Variants in ALK observed in about 807,000 individuals in gnomAD.
ALK encodes the protein ALK tyrosine kinase receptor.
Under a neutral mutation model 163.1 loss-of-function variants are expected in ALK, and 74 were observed. The ratio of observed to expected loss-of-function variants is 0.45; its 90% CI spans 0.38 to 0.55. The LOEUF (loss-of-function observed/expected upper bound fraction) is 0.55, where lower values mean the gene tolerates loss of function less well. ALK is among the 20% of genes least tolerant of loss of function. ALK has a pLI of 0.00. For synonymous variants in ALK, 960 were observed against 843.2 expected (o/e 1.14, Z -2.40); for missense variants, 2,063 against 2,105.3 (o/e 0.98, Z 0.39).
intron 5 of ALK, among the ~76,000 whole-genome samples, chr2:29,361,054 A>T (rs1032090231): frequency 6.6e-6 from 1 of 152,258 alleles, no homozygotes; most frequent in Non-Finnish European, 1.5e-5. Flanking sequence ...GAAGTCCAGC[A>T]GCAAAGTCCC....
At chr2:29,320,613 G>T in intron 7 of ALK, 138 bp downstream of exon 7, 1 of 1,190,268 alleles carries the variant, frequency 8.4e-7, no homozygotes, top group South Asian at 1.2e-5. Flanking sequence ...AGGGAATTGT[G>T]TGTGAACGCT....
At chr2:29,709,576 A>G (rs796304417) in intron 2 of ALK, among the ~76,000 whole-genome samples, 58 of 152,310 alleles carry the variant, frequency 3.8e-4, no homozygotes, top group African/African-American at 1.3e-3. Context: ...CAGGACCACA[A>G]ATAACTAAGA....
At chr2:29,355,461 C>T (rs1406694269) in intron 5 of ALK, among the ~76,000 whole-genome samples, 1 of 152,084 alleles carries the variant, frequency 6.6e-6, no homozygotes. Flanking sequence ...CCTGCTAACA[C>T]ACACACCACA....
At chr2:29,666,502 C>G (rs1056916814) in intron 3 of ALK, among the ~76,000 whole-genome samples, 9 of 152,132 alleles carry the variant, frequency 5.9e-5, no homozygotes, top group African/African-American at 2.2e-4. Context: ...GTACTCATTA[C>G]TCAGTGTCTC....
At chr2:29,233,200 T>A (rs896959582) in intron 14 of ALK, among the ~76,000 whole-genome samples, 1 of 152,210 alleles carries the variant, frequency 6.6e-6, no homozygotes, top group Non-Finnish European at 1.5e-5. Flanking sequence ...TGAAGTTCAA[T>A]GGCGTGATGA....
chr2:29,381,544 G>A (rs1668896873), intron 5 of ALK, among the ~76,000 whole-genome samples: 4 of 152,200 alleles, frequency 2.6e-5, no homozygotes, highest in South Asian at 2.1e-4. Flanking sequence ...GAGCTGTGGA[G>A]TTCTACAGTT....
At chr2:29,222,445 G>T (rs1254984739) in intron 21 of ALK, 37 bp from the exon 22 acceptor site, 4 of 1,612,936 alleles carry the variant, frequency 2.5e-6, no homozygotes, top group Non-Finnish European at 3.4e-6. Context: ...GGAGGAGGAG[G>T]CTGTGAGCTG....
chr2:29,690,730 A>G (rs1232458038), intron 3 of ALK, among the ~76,000 whole-genome samples: 1 of 152,224 alleles, frequency 6.6e-6, no homozygotes, highest in Non-Finnish European at 1.5e-5. Context: ...GAGGCCATAA[A>G]TTAAAACCAT....
chr2:29,560,370 A>G (rs1245019022), intron 3 of ALK, among the ~76,000 whole-genome samples: 6 of 152,318 alleles, frequency 3.9e-5, no homozygotes, highest in African/African-American at 1.2e-4. Flanking sequence ...GTATTTTATT[A>G]TTGTCTTTAC....
intron 1 of ALK, among the ~76,000 whole-genome samples, chr2:29,725,749 A>G (rs1679553865): frequency 6.6e-6 from 1 of 152,158 alleles, no homozygotes; most frequent in South Asian, 2.1e-4. Flanking sequence ...GGGCAGATCA[A>G]GACATGGACC....
At chr2:29,543,140 T>G (rs561667791) in intron 3 of ALK, among the ~76,000 whole-genome samples, 1 of 152,182 alleles carries the variant, frequency 6.6e-6, no homozygotes, top group Admixed American at 6.5e-5. Flanking sequence ...AGGACAGAAG[T>G]TTTTATACTA....
chr2:29,470,603 C>T (rs962896953), intron 4 of ALK, among the ~76,000 whole-genome samples: 3 of 152,044 alleles, frequency 2.0e-5, no homozygotes, highest in Admixed American at 6.6e-5. Flanking sequence ...CAGAAAATGA[C>T]TGCCAGCCAA....
intron 12 of ALK, among the ~76,000 whole-genome samples, chr2:29,242,798 G>A (rs574962866): frequency 1.3e-5 from 2 of 152,340 alleles, no homozygotes; most frequent in South Asian, 4.1e-4. Context: ...GGCGAGACCC[G>A]GGGCTGGGGT....
intron 1 of ALK, among the ~76,000 whole-genome samples, chr2:29,830,266 G>A (rs1665329552): frequency 6.6e-6 from 1 of 152,158 alleles, no homozygotes; most frequent in Admixed American, 6.5e-5. Context: ...ATTAATCATT[G>A]CAGGGGAAAA....
At chr2:29,907,436 A>T (rs1217194532) in intron 1 of ALK, among the ~76,000 whole-genome samples, 1 of 152,100 alleles carries the variant, frequency 6.6e-6, no homozygotes, top group Non-Finnish European at 1.5e-5. Context: ...CACTCTCTCT[A>T]AACTTCCTTC....
At chr2:29,556,958 G>A (rs768290366) in intron 3 of ALK, among the ~76,000 whole-genome samples, 10 of 152,108 alleles carry the variant, frequency 6.6e-5, no homozygotes, top group Non-Finnish European at 1.2e-4. Context: ...ACTAACTTGT[G>A]AAATCAAAAA....
chr2:29,918,045 T>TC lies in ALK; in HGVS notation c.667+1947dup, dbSNP rs1667882577. 1.4e-4 allele frequency among the ~76,000 whole-genome samples: 22 copies of TC among 152,238 alleles called. No homozygotes were observed. The South Asian group carries it at 4.6e-3, about 32-fold the overall frequency. ...GGAGCACAGCCTTTCTACATAAACC[T>TC]CCCCACTCAGCAGCTCCAACACCTT... is the stretch of plus-strand genomic sequence containing the variant. On this transcript the variant is annotated intron_variant, in intron 1 of 28. Transcript: ENST00000389048.
intron 4 of ALK, among the ~76,000 whole-genome samples, chr2:29,522,499 C>T (rs1672841456): frequency 6.6e-6 from 1 of 152,126 alleles, no homozygotes; most frequent in Non-Finnish European, 1.5e-5. Context: ...TCATTCTCTC[C>T]CTGTCTTTCA....
At chr2:29,415,504 C>T (rs1034412115) in intron 4 of ALK, among the ~76,000 whole-genome samples, 5 of 152,070 alleles carry the variant, frequency 3.3e-5, no homozygotes, top group African/African-American at 7.2e-5. Context: ...AGATGGAGAC[C>T]GTGAGCAAGG....
Sources: gnomAD v4.1 joint callset for allele counts (sites outside exome capture counted in the v4.1 genomes callset) on GRCh38, gnomAD v4.1.1 for gene constraint, MANE v1.5 for transcripts, NCBI Gene and HGNC (gene_info 2026-07-23, HGNC 2026-07-21) for gene names.